Variants in PCNT observed in about 807,000 individuals in gnomAD.
PCNT encodes the protein kendrin.
A neutral mutation model predicts 380.4 loss-of-function variants in PCNT; 319 were observed. That is an observed-to-expected ratio of 0.84 (90% CI 0.77 to 0.92). PCNT has a LOEUF of 0.92. Ranked by LOEUF, PCNT falls within the 40% of genes least tolerant of loss-of-function variation. The pLI is 0.00. For missense variants in PCNT, 4,400 were observed against 4,255.3 expected (o/e 1.03, Z -0.95); for synonymous variants, 1,845 against 1,735.2 (o/e 1.06, Z -1.57).
At chr21:46,349,254 C>T (rs1011910862) in intron 7 of PCNT, 68 bp downstream of exon 7, 6 of 1,266,642 alleles carry the variant, frequency 4.7e-6, no homozygotes, top group East Asian at 4.6e-5. Flanking sequence ...GAAGGAATGT[C>T]GTTCATGTCA....
At chr21:46,428,705 CCT>C in intron 35 of PCNT, 115 bp downstream of exon 35, 2 of 941,660 alleles carry the variant, frequency 2.1e-6, no homozygotes, top group South Asian at 2.9e-5. Context: ...TAGTCAAGCC[CCT>C]GAGTGTTGCC....
intron 19 of PCNT, among the ~76,000 whole-genome samples, 162 bp downstream of exon 19, chr21:46,389,593 G>A (rs574081143): frequency 2.0e-5 from 3 of 152,396 alleles, no homozygotes; most frequent in Admixed American, 6.5e-5. Flanking sequence ...GGCTTGCTAC[G>A]AATGAGAGAA....
rs1032998951 is a variant in PCNT at position 46,325,058 on chromosome 21, C to A, written c.54+776C>A. 13 of 985,502 alleles carry A rather than the reference C, an allele frequency of 1.3e-5. No homozygotes were observed. The Admixed American group carries it at 7.4e-4, about 56-fold the overall frequency. 61.0% of individuals were successfully genotyped at this position (985,502 alleles called of 1,614,324 possible). A position where few individuals can be genotyped will look rare whatever the true frequency, so the allele number is the denominator to read the frequency against. ...GGGACGCGCTCCCGTCTTTCTCCCG[C>A]CCCGGGTTTCTCCGTGAAAAAGCGC... On this transcript the variant is annotated intron_variant, in intron 1 of 46. Transcript: ENST00000359568.
chr21:46,349,925 C>T, intron 8 of PCNT, 105 bp downstream of exon 8: 1 of 1,158,204 alleles, frequency 8.6e-7, no homozygotes, highest in South Asian at 1.3e-5. Flanking sequence ...AACTTAAGTT[C>T]TAAATTTAAA....
intron 3 of PCNT, among the ~76,000 whole-genome samples, chr21:46,344,571 G>C (rs989641446): frequency 6.6e-6 from 1 of 152,232 alleles, no homozygotes; most frequent in Non-Finnish European, 1.5e-5. Flanking sequence ...AGTTGGGGCA[G>C]AAAAATTTAG....
At chr21:46,351,235 C>T (rs955689250) in intron 8 of PCNT, among the ~76,000 whole-genome samples, 194 bp from the exon 9 acceptor site, 5 of 152,148 alleles carry the variant, frequency 3.3e-5, no homozygotes, top group African/African-American at 7.2e-5. Flanking sequence ...GTGGGGTCAG[C>T]GCTGACCGAT....
intron 21 of PCNT, among the ~76,000 whole-genome samples, chr21:46,393,567 T>G (rs907480181): frequency 2.0e-5 from 3 of 152,148 alleles, no homozygotes; most frequent in African/African-American, 7.2e-5. Context: ...ACCTGGTGTT[T>G]CATCACCTCG....
At chr21:46,355,040 A>G (rs893646659) in intron 11 of PCNT, among the ~76,000 whole-genome samples, 1 of 152,198 alleles carries the variant, frequency 6.6e-6, no homozygotes, top group Non-Finnish European at 1.5e-5. Context: ...ACGAGGACCC[A>G]GCTGTTAGTG....
chr21:46,368,677 CTG>C (rs1304586277), intron 15 of PCNT, among the ~76,000 whole-genome samples: 1 of 152,220 alleles, frequency 6.6e-6, no homozygotes, highest in Non-Finnish European at 1.5e-5. Context: ...TGAGTCTGCT[CTG>C]TTGAGCATGT....
At chr21:46,333,952 A>G (rs535999890) in intron 2 of PCNT, among the ~76,000 whole-genome samples, 1 of 152,218 alleles carries the variant, frequency 6.6e-6, no homozygotes, top group East Asian at 1.9e-4. Context: ...CATGCCTGTA[A>G]TCCCAGCACT....
chr21:46,347,579 A>G (rs2146563991), intron 6 of PCNT, 67 bp downstream of exon 6: 2 of 1,432,446 alleles, frequency 1.4e-6, no homozygotes, highest in South Asian at 1.1e-5. Flanking sequence ...GCCAGGTCCC[A>G]TGAGAACGCT....
chr21:46,390,259 G>A (rs2147293241), intron 19 of PCNT, among the ~76,000 whole-genome samples: 1 of 152,386 alleles, frequency 6.6e-6, no homozygotes, highest in Admixed American at 6.5e-5. Context: ...GCTGCCGTGA[G>A]TTGTGGTTGC....
chr21:46,355,271 G>A (rs1003876846), intron 11 of PCNT, among the ~76,000 whole-genome samples, 181 bp from the exon 12 acceptor site: 4 of 152,372 alleles, frequency 2.6e-5, no homozygotes, highest in South Asian at 2.1e-4. Flanking sequence ...GGGTGTGGGC[G>A]GGAGAGCATG....
chr21:46,357,205 C>A lies in PCNT; in HGVS notation c.2154+14C>A. On this transcript the variant is annotated intron_variant, in intron 13 of 46. Coordinates refer to ENST00000359568, the MANE Select transcript of PCNT (RefSeq NM_006031.6). ...GATTTGGAGAAGGTGAGTCGTGACT[C>A]CACAGCCCAGCGCCTCCCGCCCGAG... is the stretch of plus-strand genomic sequence containing the variant. 6.4e-7 allele frequency: 1 copy of A among 1,568,760 alleles called. No homozygotes were observed. Among genetic ancestry groups the A allele is most frequent in the Non-Finnish European group, 8.8e-7 (1 of 1,138,674 alleles).
chr21:46,403,771 T>C (rs1270992223), intron 27 of PCNT, among the ~76,000 whole-genome samples: 2 of 128,648 alleles, frequency 1.6e-5, no homozygotes, highest in African/African-American at 3.1e-5. Flanking sequence ...GCTCGGTGAA[T>C]GAACACAGCG....
Position 46,381,750 on chromosome 21 carries a change from G to C in PCNT, c.3222G>C (p.Arg1074=). 1 of 1,614,076 alleles carries C rather than the reference G, an allele frequency of 6.2e-7. No individual in the cohort carries two copies. Among genetic ancestry groups the C allele is most frequent in the East Asian group, 2.2e-5 (1 of 44,888 alleles). Reference sequence around the variant, plus strand: ...TGCATGAAAAAGAGGAGACACTTCGGCTTCAGAGTGCACAGGCACAGCCTT... The same window carrying C: ...TGCATGAAAAAGAGGAGACACTTCGCCTTCAGAGTGCACAGGCACAGCCTT... The part of the protein sequence containing the change: ...TALHEKEETL[R]LQSAQAQPFH... Residue 1074 remains arginine (R), a synonymous_variant, in exon 16 of 47, where the codon CGG becomes CGC. Coordinates refer to ENST00000359568, the MANE Select transcript of PCNT (RefSeq NM_006031.6).
intron 19 of PCNT, among the ~76,000 whole-genome samples, chr21:46,390,112 G>A (rs1320244864): frequency 3.9e-5 from 6 of 152,236 alleles, no homozygotes; most frequent in African/African-American, 1.4e-4. Flanking sequence ...CATGGAGATG[G>A]CCCTGGACTC....
chr21:46,343,225 T>C (rs1468877603), intron 3 of PCNT, among the ~76,000 whole-genome samples: 1 of 152,184 alleles, frequency 6.6e-6, no homozygotes, highest in Non-Finnish European at 1.5e-5. Flanking sequence ...CTTGTCTTTT[T>C]CCAGTTCTAA....
Position 46,416,858 on chromosome 21 carries a change from C to G in PCNT, c.6921+19C>G, listed in dbSNP as rs1353355005. On this transcript the variant is annotated intron_variant, in intron 30 of 46. Transcript: ENST00000359568. Reference sequence around the variant, plus strand: ...GGCTGTGGTAGGTGCCTGCTCTGCTCCCAGGCCTGCTGTTCCCGTGGGAAT... The same window carrying G: ...GGCTGTGGTAGGTGCCTGCTCTGCTGCCAGGCCTGCTGTTCCCGTGGGAAT... The G allele has an allele frequency of 1.9e-6, 3 of 1,596,330 alleles. No individual in the cohort carries two copies. Among genetic ancestry groups the G allele is most frequent in the Non-Finnish European group, 2.5e-6 (3 of 1,179,324 alleles).
Sources: gnomAD v4.1 joint callset for allele counts (sites outside exome capture counted in the v4.1 genomes callset) on GRCh38, gnomAD v4.1.1 for gene constraint, MANE v1.5 for transcripts, NCBI Gene and HGNC (gene_info 2026-07-23, HGNC 2026-07-21) for gene names.